PIKFYVE: variants seen among roughly 807,000 people sequenced by gnomAD.
PIKFYVE encodes phosphoinositide kinase, FYVE-type zinc finger containing, also known as 1-phosphatidylinositol 3-phosphate 5-kinase.
Under a neutral mutation model 257.9 loss-of-function variants are expected in PIKFYVE, and 122 were observed. The ratio of observed to expected loss-of-function variants is 0.47; its 90% CI spans 0.41 to 0.55. The LOEUF is 0.55. PIKFYVE is among the 20% of genes least tolerant of loss of function. The pLI, the probability that PIKFYVE is intolerant of heterozygous loss-of-function variation, is 0.00. For missense variants in PIKFYVE, 2,160 were observed against 2,536.6 expected (o/e 0.85, Z 3.19); for synonymous variants, 892 against 868.9 (o/e 1.03, Z -0.47).
intron 10 of PIKFYVE, among the ~76,000 whole-genome samples, chr2:208,303,851 C>G (rs573242644): frequency 6.6e-6 from 1 of 152,220 alleles, no homozygotes; most frequent in African/African-American, 2.4e-5. Context: ...AGAATTGCCC[C>G]AGAGCTAAAA....
chr2:208,327,625 A>G (rs1442888366), intron 20 of PIKFYVE, among the ~76,000 whole-genome samples: 1 of 152,228 alleles, frequency 6.6e-6, no homozygotes, highest in Admixed American at 6.5e-5. Flanking sequence ...AGCAAAAAGA[A>G]TAGATATTTT....
At chr2:208,317,042 G>C (rs6752235) in intron 15 of PIKFYVE, among the ~76,000 whole-genome samples, 146,374 of 148,666 alleles carry the variant, frequency 0.98, 72,101 homozygotes, top group East Asian at 1. Flanking sequence ...AGAAGAAAAC[G>C]TAGGCATTAC....
chr2:208,279,829 G>A (rs1044044087), intron 5 of PIKFYVE, among the ~76,000 whole-genome samples: 1 of 151,884 alleles, frequency 6.6e-6, no homozygotes, highest in South Asian at 2.1e-4. Context: ...TACCAATGTC[G>A]TTTTTCATAG....
At position 208,355,352 on chromosome 2, in the gene PIKFYVE, G is replaced by C. The variant is rs757242364; in HGVS notation, c.*47G>C. 4.8e-6 allele frequency: 7 copies of C among 1,467,204 alleles called. No homozygotes were observed. The highest frequency in any genetic ancestry group is 6.7e-6 in the Non-Finnish European group (7 of 1,048,882). The allele number at this position is 1,467,204 out of a possible 1,614,324, so 90.9% of individuals were successfully genotyped here. A position where few individuals can be genotyped will look rare whatever the true frequency, so the allele number is the denominator to read the frequency against. ...TGGACTGTGAAGGAAAAGGGGACAG[G>C]AACAAAGGACCAAAAATAAGCTACA... On this transcript the variant is annotated 3_prime_UTR_variant, in exon 42 of 42. Coordinates refer to ENST00000264380, the MANE Select transcript of PIKFYVE (RefSeq NM_015040.4).
In PIKFYVE at chr2:208,333,398, G is replaced by A; in HGVS notation, c.4047G>A (p.Gln1349=). 3 of 1,614,048 alleles carry A rather than the reference G, an allele frequency of 1.9e-6. No homozygotes were observed. Among genetic ancestry groups the A allele is most frequent in the Non-Finnish European group, 2.5e-6 (3 of 1,179,944 alleles). Residue 1349 remains glutamine (Q), a synonymous_variant, in exon 24 of 42, where the codon CAG becomes CAA. Transcript: ENST00000264380. The part of the protein sequence containing the change: ...KYLELRFYGH[Q]YTRRANAEPC... ...TTGAACTTAGGTTTTATGGGCACCA[G>A]TATACTCGCAGAGCCAACGCTGAGC...
At chr2:208,330,477 T>G (rs1358521786) in intron 22 of PIKFYVE, 46 bp from the exon 23 acceptor site, 1 of 1,610,206 alleles carries the variant, frequency 6.2e-7, no homozygotes, top group Non-Finnish European at 8.5e-7. Flanking sequence ...TGGTTCTGAT[T>G]TCTGTTTCAT....
Position 208,355,782 on chromosome 2 carries a change from T to A in PIKFYVE, c.*477T>A, listed in dbSNP as rs1327899177. On this transcript the variant is annotated 3_prime_UTR_variant, in exon 42 of 42. Coordinates refer to ENST00000264380, the MANE Select transcript of PIKFYVE (RefSeq NM_015040.4). ...TTATTATCAGAATTTCTGAAACCTT[T>A]ACAAAAATTCTGATTTATTCCATTA... 3 of 153,470 alleles carry A rather than the reference T, an allele frequency of 2.0e-5. No homozygotes were observed. The highest frequency in any genetic ancestry group is 4.4e-5 in the Non-Finnish European group (3 of 68,638). 9.5% of individuals were successfully genotyped at this position (153,470 alleles called of 1,614,324 possible).
At chr2:208,285,693 T>C (rs1372939529) in intron 5 of PIKFYVE, 33 bp from the exon 6 acceptor site, 10 of 1,572,908 alleles carry the variant, frequency 6.4e-6, no homozygotes, top group Non-Finnish European at 7.9e-6. Flanking sequence ...TTCCTTCAAT[T>C]TCCTTGTTTT....
At chr2:208,345,945 G>A (rs1196504250) in intron 33 of PIKFYVE, 105 bp from the exon 34 acceptor site, 1 of 772,502 alleles carries the variant, frequency 1.3e-6, no homozygotes, top group Admixed American at 2.1e-5. Flanking sequence ...GGTGGGCTTA[G>A]GTAGGAAGTA....
At chr2:208,310,582 C>T (rs996640267) in intron 12 of PIKFYVE, among the ~76,000 whole-genome samples, 2 of 152,032 alleles carry the variant, frequency 1.3e-5, no homozygotes, top group East Asian at 1.9e-4. Context: ...TCACGGCTTC[C>T]GTAAATCTCT....
chr2:208,278,838 C>A (rs921815645), intron 5 of PIKFYVE, among the ~76,000 whole-genome samples: 1 of 152,088 alleles, frequency 6.6e-6, no homozygotes, highest in African/African-American at 2.4e-5. Context: ...TCTGTATTTG[C>A]TATTATAAAA....
At chr2:208,329,944 T>G (rs1183684344) in intron 22 of PIKFYVE, 31 bp downstream of exon 22, 1 of 1,605,130 alleles carries the variant, frequency 6.2e-7, no homozygotes, top group South Asian at 1.1e-5. Flanking sequence ...TCTGTTCCAT[T>G]ACACATTTTT....
At chr2:208,302,195 T>G in intron 9 of PIKFYVE, 47 bp from the exon 10 acceptor site, 1 of 1,538,486 alleles carries the variant, frequency 6.5e-7, no homozygotes, top group Non-Finnish European at 9.0e-7. Context: ...TACTTAACTA[T>G]TCTGACTGAC....
chr2:208,347,447 T>A (rs1004443977), intron 34 of PIKFYVE, among the ~76,000 whole-genome samples: 3 of 152,194 alleles, frequency 2.0e-5, no homozygotes, highest in African/African-American at 7.2e-5. Context: ...TCTTGTAGCT[T>A]GTGAAATTGT....
intron 12 of PIKFYVE, among the ~76,000 whole-genome samples, chr2:208,310,094 T>C (rs1694783460): frequency 2.0e-5 from 3 of 152,206 alleles, no homozygotes; most frequent in African/African-American, 7.2e-5. Flanking sequence ...TTACATTTTT[T>C]CTTGTGAAGT....
chr2:208,266,848 A>T (rs1034135615), intron 1 of PIKFYVE, among the ~76,000 whole-genome samples: 3 of 152,172 alleles, frequency 2.0e-5, no homozygotes, highest in African/African-American at 7.2e-5. Context: ...TGGGGGTTCA[A>T]ATAAGTGTTT....
chr2:208,269,465 C>G (rs1689123363), intron 1 of PIKFYVE: 1 of 254,528 alleles, frequency 3.9e-6, no homozygotes, highest in African/African-American at 2.3e-5. Flanking sequence ...TGTCTGAGCT[C>G]TGCTCCCGTG....
intron 6 of PIKFYVE, among the ~76,000 whole-genome samples, chr2:208,287,270 CTTTT>C (rs56178613): frequency 5.2e-5 from 7 of 135,028 alleles, no homozygotes; most frequent in Admixed American, 7.4e-5. Flanking sequence ...TTTTCTTTTT[CTTTT>C]TTTTTTTTTT....
At chr2:208,303,061 G>A (rs1367176066) in intron 10 of PIKFYVE, among the ~76,000 whole-genome samples, 2 of 152,022 alleles carry the variant, frequency 1.3e-5, no homozygotes, top group African/African-American at 2.4e-5. Context: ...CAGCCTGGGC[G>A]ACAAAGCAAG....
Sources: allele counts gnomAD v4.1 joint callset (sites outside exome capture counted in the v4.1 genomes callset), GRCh38; gene constraint gnomAD v4.1.1; transcripts MANE v1.5; gene names NCBI Gene and HGNC (gene_info 2026-07-23, HGNC 2026-07-21).